The following AASS variants were observed in gnomAD, a reference collection of about 807,000 sequenced individuals.
The protein encoded by AASS is alpha-aminoadipic semialdehyde synthase, mitochondrial.
AASS carries 86 observed loss-of-function variants against 105.4 expected under a neutral mutation model. The ratio of observed to expected loss-of-function variants is 0.82; its 90% confidence interval spans 0.69 to 0.98. The LOEUF is 0.98. Ranked by LOEUF, AASS falls within the 50% of genes least tolerant of loss-of-function variation. AASS has a pLI of 0.00. For synonymous variants in AASS, 381 were observed against 394.8 expected, an observed-to-expected ratio of 0.96 and a Z score of 0.41; for missense variants, 1,048 against 1,143.2, an observed-to-expected ratio of 0.92 and a Z score of 1.20.
intron 11 of AASS, among the ~76,000 whole-genome samples, chr7:122,109,863 T>C (rs1794848125): frequency 6.6e-6 from 1 of 151,870 alleles, no homozygotes; most frequent in Non-Finnish European, 1.5e-5. Context: ...AAAAGATCAA[T>C]TGAGTGAAGA....
intron 6 of AASS, among the ~76,000 whole-genome samples, chr7:122,117,417 A>G (rs552234427): frequency 3.9e-5 from 6 of 152,268 alleles, no homozygotes; most frequent in African/African-American, 1.4e-4. Context: ...GGAGATTACA[A>G]ACACATTCTT....
chr7:122,118,593 G>A lies in AASS; in HGVS notation c.510C>T (p.Leu170=), dbSNP rs1188997021. 2 of 1,613,984 alleles carry A rather than the reference G, an allele frequency of 1.2e-6. No individual in the cohort carries two copies. The highest frequency in any genetic ancestry group is 2.2e-5 in the East Asian group (1 of 44,862). The change falls in exon 5 of 24, where the codon CTC becomes CTT. Residue 170 remains leucine, a synonymous_variant. Coordinates refer to ENST00000417368, the MANE Select transcript of AASS (RefSeq NM_005763.4). Reference sequence around the variant, plus strand: ...AAGGTGTGTGATGTCCCAAAGCAAGGAGCCTTAAACCCATTCCATGTAAAA... The same window carrying A: ...AAGGTGTGTGATGTCCCAAAGCAAGAAGCCTTAAACCCATTCCATGTAAAA... ...INILHGMGLR[L]LALGHHTPFM...
intron 20 of AASS, among the ~76,000 whole-genome samples, chr7:122,080,739 C>T (rs941917773): frequency 7.2e-5 from 11 of 152,232 alleles, no homozygotes; most frequent in African/African-American, 2.6e-4. Flanking sequence ...AATATATACA[C>T]CTACTATGTA....
In AASS at chr7:122,113,779, T is replaced by TAA. The variant is rs36059311; in HGVS notation, c.1044-61_1044-60dup. 93 of 1,559,976 alleles carry TAA rather than the reference T, an allele frequency of 6.0e-5. No homozygotes were observed. The African/African-American group carries it at 1.0e-3, about 18-fold the overall frequency. On this transcript the variant is annotated intron_variant, in intron 9 of 23. Transcript: ENST00000417368. ...GAAATTCTGAAGTCTCCAACAAGAC[T>TAA]AAAAAAAAAGGAGTTTGGAACAATT...
chr7:122,133,573 T>G lies in AASS; in HGVS notation c.154A>C (p.Asn52His). The change falls in exon 2 of 24, where the codon AAT (asparagine) becomes CAT (histidine). Residue 52 changes from asparagine to histidine, a missense_variant. Coordinates refer to ENST00000417368, the MANE Select transcript of AASS (RefSeq NM_005763.4). ...LAPKHIKGIT[N>H]LGYKVLIQPS... ...TGTATCAAGACCTTGTATCCCAGAT[T>G]GGTGATGCCTTTGATGTGCTTGGGA... 2 of 1,614,216 alleles carry G rather than the reference T, an allele frequency of 1.2e-6. No homozygotes were observed. The highest frequency in any genetic ancestry group is 1.7e-6 in the Non-Finnish European group (2 of 1,180,032).
chr7:122,087,239 G>A (rs906232615), intron 18 of AASS, among the ~76,000 whole-genome samples: 1 of 152,152 alleles, frequency 6.6e-6, no homozygotes, highest in Non-Finnish European at 1.5e-5. Flanking sequence ...TAGTAGATGG[G>A]TTCTGAACGT....
chr7:122,091,621 G>T (rs946298099), intron 18 of AASS, 82 bp downstream of exon 18: 4 of 1,601,630 alleles, frequency 2.5e-6, no homozygotes, highest in South Asian at 1.1e-5. Context: ...CATTATTAAA[G>T]GGTTTGGGAT....
intron 21 of AASS, chr7:122,079,179 A>T: frequency 7.0e-7 from 1 of 1,423,666 alleles, no homozygotes; most frequent in Non-Finnish European, 9.1e-7. Context: ...CAGGGCAGAG[A>T]TGATGGATTG....
In AASS at chr7:122,075,623, GTTTT is replaced by G. The variant is rs935738845; in HGVS notation, c.*862_*865del. The G allele has an allele frequency of 2.0e-4, 30 of 152,034 alleles. No homozygotes were observed. Among genetic ancestry groups the G allele is most frequent in the African/African-American group, 6.5e-4 (27 of 41,414 alleles). 9.4% of individuals were successfully genotyped at this position (152,034 alleles called of 1,614,324 possible). A position where few individuals can be genotyped will look rare whatever the true frequency, so the allele number is the denominator to read the frequency against. ...TCCTTCTATTCCTAGTTTGTTGAGG[GTTTT>G]TTATTTTTTATTTTTTATTGTGAAA... is the stretch of plus-strand genomic sequence containing the variant. On this transcript the variant is annotated 3_prime_UTR_variant, in exon 24 of 24. Coordinates refer to ENST00000417368, the MANE Select transcript of AASS (RefSeq NM_005763.4).
chr7:122,107,311 T>C lies in AASS; in HGVS notation c.1279-5631A>G, dbSNP rs112712679. Among the ~76,000 whole-genome samples, 652 of 152,232 alleles carry C rather than the reference T, an allele frequency of 4.3e-3. 7 individuals are homozygous for C. The highest frequency in any genetic ancestry group is 0.015 in the African/African-American group (622 of 41,530). On this transcript the variant is annotated intron_variant, in intron 11 of 23. Transcript: ENST00000417368. ...GTGGGAGTAAAAATCAGTTCAACCA[T>C]TGTGGAAAGCAGTGTGGCAATTCCT... is the stretch of plus-strand genomic sequence containing the variant.
At chr7:122,096,431 C>T (rs1794157939) in intron 15 of AASS, among the ~76,000 whole-genome samples, 1 of 151,902 alleles carries the variant, frequency 6.6e-6, no homozygotes, top group South Asian at 2.1e-4. Context: ...AGTTCAAGAC[C>T]AGCCTGAGCA....
At chr7:122,116,315 G>T (rs1795170448) in intron 8 of AASS, among the ~76,000 whole-genome samples, 1 of 152,164 alleles carries the variant, frequency 6.6e-6, no homozygotes, top group African/African-American at 2.4e-5. Context: ...TCTGCCCACA[G>T]TGCTAACTAG....
At chr7:122,107,479 A>G (rs1295183782) in intron 11 of AASS, among the ~76,000 whole-genome samples, 1 of 152,078 alleles carries the variant, frequency 6.6e-6, no homozygotes, top group African/African-American at 2.4e-5. Flanking sequence ...GCGCTATTGT[A>G]AATAGCAGAG....
chr7:122,098,692 G>A, intron 14 of AASS, 53 bp downstream of exon 14: 3 of 1,596,260 alleles, frequency 1.9e-6, no homozygotes, highest in Non-Finnish European at 2.6e-6. Context: ...AAATGTAGAA[G>A]TCAACACGCT....
intron 22 of AASS, among the ~76,000 whole-genome samples, chr7:122,078,268 C>T (rs984458934): frequency 2.6e-5 from 4 of 151,972 alleles, no homozygotes; most frequent in Non-Finnish European, 5.9e-5. Context: ...GCTATAGAGG[C>T]CTTTTAGTGT....
At chr7:122,112,337 A>G (rs1030575509) in intron 11 of AASS, among the ~76,000 whole-genome samples, 2 of 152,180 alleles carry the variant, frequency 1.3e-5, no homozygotes, top group African/African-American at 4.8e-5. Context: ...AGCCTGCTAC[A>G]TCTCCCTGTT....
At chr7:122,126,146 T>C (rs1416596040) in intron 4 of AASS, among the ~76,000 whole-genome samples, 1 of 152,234 alleles carries the variant, frequency 6.6e-6, no homozygotes, top group East Asian at 1.9e-4. Context: ...TTGTTTGTAG[T>C]TGTTATCCTT....
At chr7:122,137,421 T>C (rs988109488) in intron 1 of AASS, among the ~76,000 whole-genome samples, 2 of 152,210 alleles carry the variant, frequency 1.3e-5, no homozygotes, top group East Asian at 1.9e-4. Context: ...ATCAGATCCA[T>C]ATGGCTTTGC....
intron 23 of AASS, among the ~76,000 whole-genome samples, chr7:122,077,436 C>T (rs1263732701): frequency 1.3e-5 from 2 of 152,000 alleles, no homozygotes; most frequent in Non-Finnish European, 2.9e-5. Flanking sequence ...ATGGCAAAAA[C>T]CAAAGAAAGA....
Sources: allele counts gnomAD v4.1 joint callset (sites outside exome capture counted in the v4.1 genomes callset), GRCh38; gene constraint gnomAD v4.1.1; transcripts MANE v1.5; gene names NCBI Gene and HGNC (gene_info 2026-07-23, HGNC 2026-07-21).